The following AK5 variants were observed in gnomAD, a reference collection of about 807,000 sequenced individuals.
AK5 encodes adenylate kinase 5.
In AK5, 27 loss-of-function variants were observed where a neutral mutation model predicts 69.5. The observed-to-expected ratio is 0.39, with a 90% CI of 0.29 to 0.54. The LOEUF is 0.54. Among genes scored for constraint, AK5 ranks in the 20% least tolerant of loss-of-function variants. The pLI, the probability that AK5 is intolerant of heterozygous loss-of-function variation, is 0.71. For synonymous variants in AK5, 260 were observed against 244.4 expected, an observed-to-expected ratio of 1.06 and a Z score of -0.60; for missense variants, 531 against 700.4, an observed-to-expected ratio of 0.76 and a Z score of 2.73.
At chr1:77,349,680 ATAAT>A (rs1371616331) in intron 6 of AK5, 3 of 152,256 alleles carry the variant, frequency 2.0e-5, no homozygotes, top group Non-Finnish European at 2.9e-5. Flanking sequence ...TAGATGTAAA[ATAAT>A]TAAGATAAAT....
chr1:77,512,205 A>G (rs1452262385), intron 10 of AK5, among the ~76,000 whole-genome samples: 1 of 152,218 alleles, frequency 6.6e-6, no homozygotes, highest in Non-Finnish European at 1.5e-5. Context: ...GTATATCTTC[A>G]CATACGCTGT....
chr1:77,306,494 GTTTT>G (rs869202567), intron 5 of AK5, among the ~76,000 whole-genome samples: 19,581 of 120,346 alleles, frequency 0.16, 1,600 homozygotes, highest in Non-Finnish European at 0.21. Flanking sequence ...GTTTTTTTTT[GTTTT>G]TTTTTTTTTT....
intron 6 of AK5, among the ~76,000 whole-genome samples, chr1:77,388,649 G>A (rs1432624801): frequency 6.6e-6 from 1 of 151,942 alleles, no homozygotes; most frequent in Non-Finnish European, 1.5e-5. Context: ...GAAAAACGTG[G>A]GAGAAATACC....
intron 10 of AK5, among the ~76,000 whole-genome samples, chr1:77,487,126 G>A (rs1209948258): frequency 6.6e-6 from 1 of 152,164 alleles, no homozygotes; most frequent in Non-Finnish European, 1.5e-5. Flanking sequence ...TTAATTGTGG[G>A]AGAAAATGTG....
intron 8 of AK5, among the ~76,000 whole-genome samples, chr1:77,432,341 G>A (rs1268110857): frequency 1.3e-5 from 2 of 152,092 alleles, no homozygotes; most frequent in African/African-American, 4.8e-5. Flanking sequence ...GAGCAACAAG[G>A]GAGGCTTGGA....
At chr1:77,481,314 G>T (rs1655239788) in intron 8 of AK5, among the ~76,000 whole-genome samples, 1 of 152,240 alleles carries the variant, frequency 6.6e-6, no homozygotes, top group African/African-American at 2.4e-5. Flanking sequence ...TGGATTAGGT[G>T]ATCCCTAAAC....
intron 5 of AK5, among the ~76,000 whole-genome samples, chr1:77,322,149 T>A (rs1331736364): frequency 6.6e-6 from 1 of 152,184 alleles, no homozygotes; most frequent in Non-Finnish European, 1.5e-5. Context: ...TCCAAATACG[T>A]GGATGGGATA....
intron 6 of AK5, among the ~76,000 whole-genome samples, chr1:77,361,934 C>A (rs1646872438): frequency 6.6e-6 from 1 of 152,082 alleles, no homozygotes; most frequent in Non-Finnish European, 1.5e-5. Flanking sequence ...GGGACACAGC[C>A]AAATCATATC....
intron 12 of AK5, among the ~76,000 whole-genome samples, chr1:77,524,012 T>A (rs1658139388): frequency 6.6e-6 from 1 of 152,146 alleles, no homozygotes; most frequent in South Asian, 2.1e-4. Context: ...ACAACCACCA[T>A]TTTTCTTCCT....
At chr1:77,443,379 GA>G (rs1308705522) in intron 8 of AK5, among the ~76,000 whole-genome samples, 1 of 152,106 alleles carries the variant, frequency 6.6e-6, no homozygotes, top group Non-Finnish European at 1.5e-5. Flanking sequence ...GATAGACATG[GA>G]TCAAATTGCA....
Position 77,312,124 on chromosome 1 carries a change from C to T in AK5, c.699+14177C>T, listed in dbSNP as rs554744508. ...ATATTTAGGAAGTACGTGCCAAGTGCCAGGCACCTAGCTGTGGTTTAAATA... is the reference window on the plus strand; with the variant it reads ...ATATTTAGGAAGTACGTGCCAAGTGTCAGGCACCTAGCTGTGGTTTAAATA... On this transcript the variant is annotated intron_variant, in intron 5 of 13. Coordinates refer to ENST00000354567, the MANE Select transcript of AK5 (RefSeq NM_174858.3). Among the ~76,000 whole-genome samples, 4 of 152,282 alleles carry T rather than the reference C, an allele frequency of 2.6e-5. No individual in the cohort carries two copies. The South Asian group carries it at 8.3e-4, about 32-fold the overall frequency.
At chr1:77,513,828 C>T (rs540446247) in intron 10 of AK5, among the ~76,000 whole-genome samples, 5 of 152,322 alleles carry the variant, frequency 3.3e-5, no homozygotes, top group African/African-American at 1.2e-4. Context: ...CAGGAGCTAT[C>T]TCACAGGAGA....
At chr1:77,444,387 A>ATT (rs1652585199) in intron 8 of AK5, among the ~76,000 whole-genome samples, 1 of 41,020 alleles carries the variant, frequency 2.4e-5, no homozygotes, top group African/African-American at 8.3e-5. Context: ...TATATATAGT[A>ATT]TATATAGTAT....
chr1:77,487,535 G>C (rs1453876202), intron 10 of AK5, among the ~76,000 whole-genome samples: 1 of 152,110 alleles, frequency 6.6e-6, no homozygotes, highest in Non-Finnish European at 1.5e-5. Flanking sequence ...TCAATGAGTG[G>C]GAAAAGAATG....
At chr1:77,367,264 C>T (rs1232076836) in intron 6 of AK5, among the ~76,000 whole-genome samples, 5 of 151,528 alleles carry the variant, frequency 3.3e-5, no homozygotes, top group African/African-American at 1.2e-4. Flanking sequence ...TTTGCATATA[C>T]ATAGTGAGAT....
At chr1:77,519,625 G>C (rs1390342095) in intron 11 of AK5, among the ~76,000 whole-genome samples, 1 of 152,212 alleles carries the variant, frequency 6.6e-6, no homozygotes, top group African/African-American at 2.4e-5. Flanking sequence ...AGGGCTACTG[G>C]TTACCCATTT....
chr1:77,325,556 C>T (rs1297975008), intron 5 of AK5, among the ~76,000 whole-genome samples: 1 of 152,148 alleles, frequency 6.6e-6, no homozygotes, highest in Non-Finnish European at 1.5e-5. Flanking sequence ...GTGCTGCTCA[C>T]GTCGACCACA....
At chr1:77,551,249 CTT>C (rs1282390730) in intron 13 of AK5, among the ~76,000 whole-genome samples, 1 of 147,208 alleles carries the variant, frequency 6.8e-6, no homozygotes, top group African/African-American at 2.6e-5. Context: ...ACACACACAC[CTT>C]CTATAAGACA....
At chr1:77,419,702 T>C (rs1650679779) in intron 8 of AK5, among the ~76,000 whole-genome samples, 1 of 152,110 alleles carries the variant, frequency 6.6e-6, no homozygotes, top group South Asian at 2.1e-4. Flanking sequence ...TAGGAGACAT[T>C]GAGGATAGAA....
Sources: allele counts gnomAD v4.1 joint callset (sites outside exome capture counted in the v4.1 genomes callset), GRCh38; gene constraint gnomAD v4.1.1; transcripts MANE v1.5; gene names NCBI Gene and HGNC (gene_info 2026-07-23, HGNC 2026-07-21).